ASIC1: variants seen among roughly 807,000 people sequenced by gnomAD.
The protein encoded by ASIC1 is acid-sensing ion channel 1.
ASIC1 carries 21 observed loss-of-function variants against 63.4 expected under a neutral mutation model. The observed-to-expected ratio is 0.33, with a 90% CI of 0.23 to 0.48. The LOEUF (loss-of-function observed/expected upper bound fraction) is 0.48, where lower values mean the gene tolerates loss of function less well. ASIC1 is among the 20% of genes least tolerant of loss of function. The pLI, the probability that ASIC1 is intolerant of heterozygous loss-of-function variation, is 0.99. For synonymous variants in ASIC1, 258 were observed against 278.2 expected (o/e 0.93, Z 0.72); for missense variants, 478 against 695.5 (o/e 0.69, Z 3.52).
intron 10 of ASIC1, 30 bp from the exon 11 acceptor site, chr12:50,081,229 AG>A: frequency 3.7e-6 from 6 of 1,604,740 alleles, no homozygotes; most frequent in Non-Finnish European, 5.1e-6. Flanking sequence ...GGCGGGGTCC[AG>A]CCCGCCCACC....
chr12:50,078,530 C>T lies in ASIC1; in HGVS notation c.947C>T (p.Thr316Met), dbSNP rs200645931. Residue 316 changes from threonine (T) to methionine (M), a missense_variant, in exon 6 of 12, where the codon ACG becomes ATG. Transcript: ENST00000447966. The surrounding 1 kb of genome is among the most constrained non-coding windows in gnomAD (Gnocchi z 6.0). ...SITACRIDCE[T>M]RYLVENCNCR... ...ACTGCCTGCCGCATCGACTGTGAGA[C>T]GCGCTACCTGGTGGAGAACTGCAAC... 2.3e-5 allele frequency: 37 copies of T among 1,614,142 alleles called. 1 individual carries two copies. In the East Asian group the frequency reaches 3.1e-4, roughly 14 times the overall value.
At chr12:50,066,405 T>TGGA (rs1219042325) in intron 3 of ASIC1, among the ~76,000 whole-genome samples, 2 of 151,984 alleles carry the variant, frequency 1.3e-5, no homozygotes, top group Admixed American at 6.6e-5. Flanking sequence ...AGAAGCAGTG[T>TGGA]GGAGAGGCAG....
chr12:50,073,563 C>T (rs1950620324), intron 3 of ASIC1: 2 of 1,483,668 alleles, frequency 1.3e-6, no homozygotes, highest in Non-Finnish European at 1.8e-6. Context: ...AAATCCCTGG[C>T]ACCAGGAAGC....
rs1950630324 is a variant in ASIC1 at position 50,074,194 on chromosome 12, C to T, written c.559-3019C>T. On this transcript the variant is annotated intron_variant, in intron 3 of 11. Transcript: ENST00000447966. The surrounding 1 kb of genome is among the most constrained non-coding windows in gnomAD (Gnocchi z 4.2). ...CTGCCACCGGCTGGAGGACATGCTG[C>T]TCTATTGCTCCTACCAAGGGGGACC... The T allele has an allele frequency of 6.5e-7, 1 of 1,527,422 alleles. No homozygotes were observed. Among genetic ancestry groups the T allele is most frequent in the Non-Finnish European group, 8.8e-7 (1 of 1,142,262 alleles). The allele number at this position is 1,527,422 out of a possible 1,614,324, so 94.6% of individuals were successfully genotyped here. A position where few individuals can be genotyped will look rare whatever the true frequency, so the allele number is the denominator to read the frequency against.
chr12:50,078,247 C>G lies in ASIC1; in HGVS notation c.837+120C>G, dbSNP rs551688356. On this transcript the variant is annotated intron_variant, in intron 5 of 11. Transcript: ENST00000447966. The surrounding 1 kb of genome is among the most constrained non-coding windows in gnomAD (Gnocchi z 6.0). ...GGACCTGGGTGGTAATCTGGCTAGT[C>G]AGAAGCATGAGTGATCGAATGAACA... The G allele has an allele frequency of 5.9e-6, 9 of 1,520,592 alleles. No individual in the cohort carries two copies. In the East Asian group the frequency reaches 1.8e-4, roughly 31 times the overall value. 94.2% of individuals were successfully genotyped at this position (1,520,592 alleles called of 1,614,324 possible). A position where few individuals can be genotyped will look rare whatever the true frequency, so the allele number is the denominator to read the frequency against.
rs1275348446 is a variant in ASIC1 at position 50,074,516 on chromosome 12, A to G, written c.559-2697A>G. ...TGGTATTTTGCTGCTGCCTCCCAAC[A>G]TGTCCTCCAGCTTTACCTGCCCTTC... On this transcript the variant is annotated intron_variant, in intron 3 of 11. Coordinates refer to ENST00000447966, the MANE Select transcript of ASIC1 (RefSeq NM_001095.4). This position sits in a 1 kb window ranked among gnomAD's most constrained non-coding sequence, Gnocchi z 4.2. Among the ~76,000 whole-genome samples the G allele has an allele frequency of 6.6e-6, 1 of 152,176 alleles. No individual in the cohort carries two copies. Among genetic ancestry groups the G allele is most frequent in the African/African-American group, 2.4e-5 (1 of 41,432 alleles).
At position 50,062,408 on chromosome 12, in the gene ASIC1, G is replaced by A. The variant is rs571470934; in HGVS notation, c.558+2454G>A. ...ACACCTGTCTATAGGGTCGATCTAA[G>A]GGAGACCATCTTGGCATCTTCTGCA... is the stretch of plus-strand genomic sequence containing the variant. On this transcript the variant is annotated intron_variant, in intron 3 of 11. Coordinates refer to ENST00000447966, the MANE Select transcript of ASIC1 (RefSeq NM_001095.4). Among the ~76,000 whole-genome samples the A allele has an allele frequency of 3.3e-5, 5 of 152,320 alleles. No homozygotes were observed. The South Asian group carries it at 1.0e-3, about 32-fold the overall frequency.
At chr12:50,061,613 A>G (rs1043943871) in intron 3 of ASIC1, among the ~76,000 whole-genome samples, 1 of 152,190 alleles carries the variant, frequency 6.6e-6, no homozygotes, top group African/African-American at 2.4e-5. Flanking sequence ...AGAAAGATGG[A>G]GAAAACGTAT....
chr12:50,059,921 G>C lies in ASIC1; in HGVS notation c.525G>C (p.Arg175=), dbSNP rs988364458. 1.9e-6 allele frequency: 3 copies of C among 1,613,982 alleles called. No individual in the cohort carries two copies. Among genetic ancestry groups the C allele is most frequent in the African/African-American group, 2.7e-5 (2 of 74,916 alleles). The change falls in exon 3 of 12, where the codon CGG becomes CGC. Residue 175 remains arginine, a synonymous_variant. Coordinates refer to ENST00000447966, the MANE Select transcript of ASIC1 (RefSeq NM_001095.4). This position sits in a 1 kb window ranked among gnomAD's most constrained non-coding sequence, Gnocchi z 4.6. ...IRDMLLSCHF[R]GEVCSAEDFK... is the part of the protein sequence containing the mutation. ...ACATGCTGCTCTCCTGCCACTTCCG[G>C]GGGGAGGTCTGCAGCGCTGAAGACT... is the stretch of plus-strand genomic sequence containing the variant.
intron 3 of ASIC1, among the ~76,000 whole-genome samples, chr12:50,065,354 G>T (rs543825694): frequency 6.6e-6 from 1 of 152,312 alleles, no homozygotes; most frequent in Non-Finnish European, 1.5e-5. Flanking sequence ...ATAGGACTGG[G>T]CATTAGGGCT....
Position 50,078,424 on chromosome 12 carries a change from A to T in ASIC1, c.841A>T (p.Ile281Phe). The change falls in exon 6 of 12, where the codon ATC becomes TTC. Residue 281 changes from isoleucine to phenylalanine, a missense_variant. Physicochemically the swap from Ile to Phe is conservative, Grantham distance 21. Transcript: ENST00000447966. The surrounding 1 kb of genome is among the most constrained non-coding windows in gnomAD (Gnocchi z 6.0). Reference sequence around the variant, plus strand: ...AGCTCCCCGGCTCTCCCAGCAGCTCATCTACCTGCCCCCACCCTGGGGCAC... The same window carrying T: ...AGCTCCCCGGCTCTCCCAGCAGCTCTTCTACCTGCCCCCACCCTGGGGCAC... The part of the protein sequence containing the change: ...TFVACQEQRL[I>F]YLPPPWGTCK... 1 of 1,613,900 alleles carries T rather than the reference A, an allele frequency of 6.2e-7. No homozygotes were observed. The highest frequency in any genetic ancestry group is 8.5e-7 in the Non-Finnish European group (1 of 1,179,906).
chr12:50,080,677 C>G (rs1333041737), intron 9 of ASIC1, 88 bp downstream of exon 9: 10 of 1,614,120 alleles, frequency 6.2e-6, no homozygotes, highest in Non-Finnish European at 8.5e-6. Context: ...TCACTTCTGT[C>G]CCATGAGGGT....
chr12:50,080,796 T>G, intron 9 of ASIC1: 7 of 1,374,054 alleles, frequency 5.1e-6, no homozygotes, highest in East Asian at 2.5e-5. Context: ...GACAGGCCTG[T>G]GGGCATGAGG....
At position 50,057,766 on chromosome 12, in the gene ASIC1, G is replaced by C. The variant is rs959738493; in HGVS notation, c.-167G>C. 1 of 149,920 alleles carries C rather than the reference G, an allele frequency of 6.7e-6. No individual in the cohort carries two copies. The highest frequency in any genetic ancestry group is 2.4e-5 in the African/African-American group (1 of 41,166). The allele number at this position is 149,920 out of a possible 1,614,324, so 9.3% of individuals were successfully genotyped here. A position where few individuals can be genotyped will look rare whatever the true frequency, so the allele number is the denominator to read the frequency against. The stretch of plus-strand genomic sequence containing the variant: ...TCGGAGCCGAGCGGGGCCGGGCGGG[G>C]CGCTCCCTGCAGGGCTCTGCGCGGC... On this transcript the variant is annotated 5_prime_UTR_variant, in exon 1 of 12. Transcript: ENST00000447966. The surrounding 1 kb of genome is among the most constrained non-coding windows in gnomAD (Gnocchi z 4.7).
At chr12:50,062,293 T>C (rs1460213930) in intron 3 of ASIC1, among the ~76,000 whole-genome samples, 1 of 152,172 alleles carries the variant, frequency 6.6e-6, no homozygotes, top group Non-Finnish European at 1.5e-5. Flanking sequence ...TCCTCAGTCT[T>C]GTGATTAACA....
chr12:50,081,767 C>G lies in ASIC1; in HGVS notation c.*118C>G, dbSNP rs1373551990. ...CCCCACACTCCGGGGCAGATCTTTC[C>G]TCTTGTCTGTGGTAAGGAAGGAGTC... On this transcript the variant is annotated 3_prime_UTR_variant, in exon 12 of 12. Coordinates refer to ENST00000447966, the MANE Select transcript of ASIC1 (RefSeq NM_001095.4). 2 of 872,374 alleles carry G rather than the reference C, an allele frequency of 2.3e-6. No individual in the cohort carries two copies. The highest frequency in any genetic ancestry group is 3.6e-6 in the Non-Finnish European group (2 of 563,088). 54.0% of individuals were successfully genotyped at this position (872,374 alleles called of 1,614,324 possible).
Position 50,058,445 on chromosome 12 carries a change from C to T in ASIC1, c.-16-306C>T, listed in dbSNP as rs539817864. Among the ~76,000 whole-genome samples, 23 of 152,336 alleles carry T rather than the reference C, an allele frequency of 1.5e-4. No homozygotes were observed. In the East Asian group the frequency reaches 4.4e-3, roughly 29 times the overall value. ...CCACATCTGGAGGGAACTCCTGCGC[C>T]TGCCTATGGGTGCATCAGGACTTCC... is the stretch of plus-strand genomic sequence containing the variant. On this transcript the variant is annotated intron_variant, in intron 1 of 11. Transcript: ENST00000447966.
rs2137846095 is a variant in ASIC1, at chr12:50,078,679, A to C, written c.994+102A>C. 6.6e-7 allele frequency: 1 copy of C among 1,519,514 alleles called. No individual in the cohort carries two copies. The highest frequency in any genetic ancestry group is 9.0e-7 in the Non-Finnish European group (1 of 1,114,050). The allele number at this position is 1,519,514 out of a possible 1,614,324, so 94.1% of individuals were successfully genotyped here. A position where few individuals can be genotyped will look rare whatever the true frequency, so the allele number is the denominator to read the frequency against. ...AATCTCCCAACCCCAGTTCCAGCCC[A>C]CCCCATCCCACACCCACCTGGCTCA... On this transcript the variant is annotated intron_variant, in intron 6 of 11. Coordinates refer to ENST00000447966, the MANE Select transcript of ASIC1 (RefSeq NM_001095.4). This position sits in a 1 kb window ranked among gnomAD's most constrained non-coding sequence, Gnocchi z 6.0.
intron 3 of ASIC1, among the ~76,000 whole-genome samples, chr12:50,072,268 C>A (rs1056274582): frequency 6.6e-5 from 10 of 152,196 alleles, no homozygotes; most frequent in Non-Finnish European, 1.5e-4. Flanking sequence ...CCGGTCTAGC[C>A]CCACTGCTCC....
Sources: allele counts gnomAD v4.1 joint callset (sites outside exome capture counted in the v4.1 genomes callset), GRCh38; gene constraint gnomAD v4.1.1; non-coding constraint Gnocchi (gnomAD v3.1); transcripts MANE v1.5; gene names NCBI Gene and HGNC (gene_info 2026-07-23, HGNC 2026-07-21).